Variants in CMIP observed in about 807,000 individuals in gnomAD.
CMIP encodes c-Maf inducing protein.
CMIP carries 13 observed loss-of-function variants against 97.3 expected under a neutral mutation model. That is an observed-to-expected ratio of 0.13 (90% CI 0.09 to 0.21). CMIP has a LOEUF of 0.21. Among genes scored for constraint, CMIP ranks in the 10% least tolerant of loss-of-function variants. CMIP has a pLI of 1.00. For missense variants in CMIP, 847 were observed against 1,024.9 expected (o/e 0.83, Z 2.37); for synonymous variants, 538 against 436.3 (o/e 1.23, Z -2.91).
chr16:81,534,343 A>G (rs2090300081), intron 1 of CMIP, among the ~76,000 whole-genome samples: 1 of 152,032 alleles, frequency 6.6e-6, no homozygotes, highest in Non-Finnish European at 1.5e-5. Context: ...CAAGTTGTTT[A>G]TATTCTTTGT....
At chr16:81,700,455 C>G (rs1907267797) in intron 15 of CMIP, 1 of 153,230 alleles carries the variant, frequency 6.5e-6, no homozygotes, top group Non-Finnish European at 1.5e-5. Flanking sequence ...AGCAACTGTC[C>G]CAAGGGAACC....
At position 81,614,176 on chromosome 16, in the gene CMIP, G is replaced by C. The variant is rs141252915; in HGVS notation, c.426+6484G>C. On this transcript the variant is annotated intron_variant, in intron 2 of 20. Coordinates refer to ENST00000537098, the MANE Select transcript of CMIP (RefSeq NM_198390.3). The surrounding 1 kb of genome is among the most constrained non-coding windows in gnomAD (Gnocchi z 5.3). ...GAGTCCAGCGGGCAGCGGAGAGAAG[G>C]GGGTGACAGCAGAATGTTCCTGGTG... Among the ~76,000 whole-genome samples the C allele has an allele frequency of 7.0e-4, 106 of 152,180 alleles. No individual in the cohort carries two copies. The highest frequency in any genetic ancestry group is 1.1e-3 in the Non-Finnish European group (77 of 68,022).
At chr16:81,502,038 T>A (rs961599062) in intron 1 of CMIP, among the ~76,000 whole-genome samples, 5 of 152,226 alleles carry the variant, frequency 3.3e-5, no homozygotes, top group African/African-American at 1.2e-4. Flanking sequence ...TGCTAGGCCC[T>A]ATTCTAAGTG....
chr16:81,599,367 T>A lies in CMIP; in HGVS notation c.301-8200T>A, dbSNP rs145333246. On this transcript the variant is annotated intron_variant, in intron 1 of 20. Transcript: ENST00000537098. The stretch of plus-strand genomic sequence containing the variant: ...TCGTTACCTGCCACTTTGCGTTTGC[T>A]GTATGACTTTCCGTTTGTGAGATTA... 8.4e-4 allele frequency among the ~76,000 whole-genome samples: 128 copies of A among 152,334 alleles called. 1 individual carries two copies. Among genetic ancestry groups the A allele is most frequent in the African/African-American group, 2.7e-3 (111 of 41,574 alleles).
intron 1 of CMIP, among the ~76,000 whole-genome samples, chr16:81,494,660 G>T (rs1176446304): frequency 6.6e-6 from 1 of 151,872 alleles, no homozygotes. Context: ...GATGCTTAAG[G>T]TCACACAGCA....
intron 5 of CMIP, among the ~76,000 whole-genome samples, chr16:81,659,472 A>G (rs1483794578): frequency 6.6e-6 from 1 of 152,278 alleles, no homozygotes; most frequent in Non-Finnish European, 1.5e-5. Flanking sequence ...TAAAGGATAG[A>G]TAGGAGAATG....
chr16:81,577,908 TGTCACC>T (rs1382233937), intron 1 of CMIP, among the ~76,000 whole-genome samples: 2 of 135,286 alleles, frequency 1.5e-5, no homozygotes, highest in African/African-American at 3.4e-5. Context: ...CTATTATCAC[TGTCACC>T]ATCACCATCA....
chr16:81,533,025 C>T (rs2090270003), intron 1 of CMIP, among the ~76,000 whole-genome samples: 1 of 152,150 alleles, frequency 6.6e-6, no homozygotes, highest in South Asian at 2.1e-4. Flanking sequence ...TCGCTTCCCT[C>T]CTGTCTCCTG....
At chr16:81,604,201 C>T (rs2091703141) in intron 1 of CMIP, among the ~76,000 whole-genome samples, 1 of 146,110 alleles carries the variant, frequency 6.8e-6, no homozygotes, top group Non-Finnish European at 1.6e-5. Context: ...CGAGACCAGC[C>T]TGGCCAACAT....
chr16:81,521,357 C>G (rs946053971), intron 1 of CMIP, among the ~76,000 whole-genome samples: 34 of 127,596 alleles, frequency 2.7e-4, no homozygotes, highest in African/African-American at 1.1e-3. Flanking sequence ...TTTTAGTTAT[C>G]TGGTGGCTTC....
intron 1 of CMIP, among the ~76,000 whole-genome samples, chr16:81,569,908 A>T (rs2091052969): frequency 6.6e-6 from 1 of 152,222 alleles, no homozygotes; most frequent in African/African-American, 2.4e-5. Flanking sequence ...GTACTGTGGT[A>T]GGTGCTGTCT....
chr16:81,570,209 C>T (rs149339861), intron 1 of CMIP, among the ~76,000 whole-genome samples: 17 of 152,266 alleles, frequency 1.1e-4, no homozygotes, highest in African/African-American at 3.9e-4. Flanking sequence ...TGTGTGGCTG[C>T]CTCCCTTGGT....
At chr16:81,659,107 G>A (rs2092516787) in intron 5 of CMIP, among the ~76,000 whole-genome samples, 2 of 152,212 alleles carry the variant, frequency 1.3e-5, no homozygotes, top group Non-Finnish European at 2.9e-5. Flanking sequence ...GCCTTCTCTT[G>A]CCAGAACAGG....
At chr16:81,645,412 GC>G in intron 3 of CMIP, 1 of 1,481,394 alleles carries the variant, frequency 6.8e-7, no homozygotes, top group East Asian at 2.5e-5. Flanking sequence ...CAGAGCAGCA[GC>G]CCCTGCCTGG....
intron 10 of CMIP, among the ~76,000 whole-genome samples, chr16:81,685,577 C>A (rs892346204): frequency 5.9e-5 from 9 of 151,974 alleles, no homozygotes; most frequent in African/African-American, 2.2e-4. Flanking sequence ...TTTTGAGATA[C>A]TCTGTCACCG....
At chr16:81,593,497 C>T (rs944137233) in intron 1 of CMIP, among the ~76,000 whole-genome samples, 4 of 152,306 alleles carry the variant, frequency 2.6e-5, no homozygotes, top group East Asian at 1.9e-4. Context: ...TGGAGCTGGT[C>T]GGTCACCCCA....
chr16:81,517,957 CA>C (rs1177017812), intron 1 of CMIP: 1 of 975,858 alleles, frequency 1.0e-6, no homozygotes, highest in African/African-American at 1.8e-5. Context: ...AAATGAACGC[CA>C]GTGGATGTGT....
chr16:81,579,959 C>CA (rs1218950826), intron 1 of CMIP, among the ~76,000 whole-genome samples: 2 of 151,514 alleles, frequency 1.3e-5, no homozygotes, highest in Non-Finnish European at 2.9e-5. Flanking sequence ...GACTCCGTCT[C>CA]AAAAAAAGAA....
chr16:81,642,187 A>G (rs1015178695), intron 3 of CMIP, among the ~76,000 whole-genome samples: 1 of 152,176 alleles, frequency 6.6e-6, no homozygotes, highest in African/African-American at 2.4e-5. Context: ...AGCCCTTGAT[A>G]TGTAGTAGCC....
Sources: gnomAD v4.1 joint callset for allele counts (sites outside exome capture counted in the v4.1 genomes callset) on GRCh38, gnomAD v4.1.1 for gene constraint, Gnocchi (gnomAD v3.1) non-coding constraint, MANE v1.5 for transcripts, NCBI Gene and HGNC (gene_info 2026-07-23, HGNC 2026-07-21) for gene names.